The following MACROD2 variants were observed in gnomAD, a reference collection of about 807,000 sequenced individuals.
The protein encoded by MACROD2 is ADP-ribose glycohydrolase MACROD2.
In MACROD2, 36 loss-of-function variants were observed where a neutral mutation model predicts 70.4. The observed-to-expected ratio is 0.51, with a 90% CI of 0.39 to 0.68. The LOEUF (loss-of-function observed/expected upper bound fraction) is 0.68. Among genes scored for constraint, MACROD2 ranks in the 30% least tolerant of loss-of-function variants. The pLI, the probability that MACROD2 is intolerant of heterozygous loss-of-function variation, is 0.00. For missense variants in MACROD2, 496 were observed against 538.4 expected, an observed-to-expected ratio of 0.92 and a Z score of 0.78; for synonymous variants, 172 against 178.8, an observed-to-expected ratio of 0.96 and a Z score of 0.30.
At chr20:15,065,524 A>G (rs1025693911) in intron 5 of MACROD2, among the ~76,000 whole-genome samples, 7 of 151,980 alleles carry the variant, frequency 4.6e-5, no homozygotes, top group African/African-American at 1.7e-4. Context: ...GCTCGGTGGC[A>G]GCGGCTGTAG....
intron 4 of MACROD2, chr20:14,627,222 A>G (rs902978242): frequency 2.0e-5 from 3 of 152,186 alleles, no homozygotes; most frequent in Admixed American, 6.5e-5. Flanking sequence ...GAGACATCCA[A>G]TCCTTCAGTT....
rs374449885 is a variant in MACROD2 at position 15,727,180 on chromosome 20, G to T, written c.646-135565G>T. Among the ~76,000 whole-genome samples, 18 of 152,216 alleles carry T rather than the reference G, an allele frequency of 1.2e-4. 1 individual carries two copies. The South Asian group carries it at 3.5e-3, about 30-fold the overall frequency. ...TGCATGTGGCTAGCCAGTTATCCCAGCATAATTTGTTGAATAAGGAGTCCT... is the reference window on the plus strand; with the variant it reads ...TGCATGTGGCTAGCCAGTTATCCCATCATAATTTGTTGAATAAGGAGTCCT... On this transcript the variant is annotated intron_variant, in intron 8 of 17. Transcript: ENST00000684519.
chr20:15,677,591 G>A (rs751153242), intron 8 of MACROD2, among the ~76,000 whole-genome samples: 1 of 152,064 alleles, frequency 6.6e-6, no homozygotes, highest in African/African-American at 2.4e-5. Context: ...CACTGTGTGG[G>A]TGACCAGAAT....
intron 4 of MACROD2, among the ~76,000 whole-genome samples, chr20:14,609,958 C>T (rs1983057219): frequency 6.6e-6 from 1 of 152,052 alleles, no homozygotes; most frequent in Non-Finnish European, 1.5e-5. Flanking sequence ...ATTTTTTGTT[C>T]TTCTTTTTTC....
At chr20:14,413,343 G>A (rs561620478) in intron 3 of MACROD2, among the ~76,000 whole-genome samples, 62 of 151,068 alleles carry the variant, frequency 4.1e-4, no homozygotes, top group Non-Finnish European at 7.5e-4. Flanking sequence ...ATATTTCCCT[G>A]TAAAACTGAT....
At chr20:15,924,001 G>A (rs531106170) in intron 10 of MACROD2, among the ~76,000 whole-genome samples, 9 of 152,314 alleles carry the variant, frequency 5.9e-5, no homozygotes, top group African/African-American at 2.2e-4. Flanking sequence ...CTTTGGGGTG[G>A]TTGTTGAGTT....
chr20:15,819,711 TA>T (rs1486273948), intron 8 of MACROD2, among the ~76,000 whole-genome samples: 1 of 151,334 alleles, frequency 6.6e-6, no homozygotes, highest in Non-Finnish European at 1.5e-5. Flanking sequence ...ATGTGCAATC[TA>T]AAAAAAAGTT....
At chr20:14,847,986 A>C (rs2073160946) in intron 5 of MACROD2, among the ~76,000 whole-genome samples, 1 of 152,226 alleles carries the variant, frequency 6.6e-6, no homozygotes, top group Non-Finnish European at 1.5e-5. Flanking sequence ...TTATGCAAGA[A>C]GATGGGGAGC....
chr20:14,044,722 G>T (rs541233235), intron 2 of MACROD2, among the ~76,000 whole-genome samples: 2 of 152,182 alleles, frequency 1.3e-5, no homozygotes, highest in Non-Finnish European at 2.9e-5. Flanking sequence ...TAGACATAAA[G>T]ATTCTTCAAG....
At chr20:14,058,062 A>T (rs1338896855) in intron 2 of MACROD2, among the ~76,000 whole-genome samples, 1 of 152,126 alleles carries the variant, frequency 6.6e-6, no homozygotes, top group Non-Finnish European at 1.5e-5. Flanking sequence ...TGAGGAAGGG[A>T]TAGGGATTGG....
chr20:14,549,135 C>CCATGCACACCAT (rs1316785896), intron 4 of MACROD2, among the ~76,000 whole-genome samples: 1 of 152,156 alleles, frequency 6.6e-6, no homozygotes, highest in African/African-American at 2.4e-5. Context: ...GCAATGACTG[C>CCATGCACACCAT]CATGCACACC....
chr20:15,053,700 A>G (rs1226864763), intron 5 of MACROD2, among the ~76,000 whole-genome samples: 1 of 152,222 alleles, frequency 6.6e-6, no homozygotes, highest in Non-Finnish European at 1.5e-5. Flanking sequence ...TCTGCAGCCT[A>G]TGGATCAAGG....
chr20:14,625,271 G>A (rs1380741823), intron 4 of MACROD2, among the ~76,000 whole-genome samples: 1 of 152,022 alleles, frequency 6.6e-6, no homozygotes, highest in African/African-American at 2.4e-5. Context: ...AGGTTGCAGT[G>A]AGTCGAGATC....
intron 3 of MACROD2, among the ~76,000 whole-genome samples, chr20:14,130,753 C>T (rs2054706595): frequency 6.6e-6 from 1 of 151,998 alleles, no homozygotes; most frequent in Non-Finnish European, 1.5e-5. Context: ...ACAGAAGATA[C>T]TCCTTTCAAA....
chr20:14,166,060 C>G (rs1432866204), intron 3 of MACROD2, among the ~76,000 whole-genome samples: 1 of 151,918 alleles, frequency 6.6e-6, no homozygotes, highest in South Asian at 2.1e-4. Flanking sequence ...TTCATTTTTG[C>G]TTATTAATAA....
chr20:14,764,880 G>C (rs80016821), intron 5 of MACROD2, among the ~76,000 whole-genome samples: 3,348 of 152,114 alleles, frequency 0.022, 145 homozygotes, highest in African/African-American at 0.076. Flanking sequence ...GGGGGATCAG[G>C]ATGGATGGAA....
At chr20:14,870,071 T>C (rs1721285268) in intron 5 of MACROD2, among the ~76,000 whole-genome samples, 1 of 152,142 alleles carries the variant, frequency 6.6e-6, no homozygotes, top group African/African-American at 2.4e-5. Flanking sequence ...CTAGTGCCCA[T>C]TGGTGATTTT....
At chr20:15,461,269 A>G (rs2046815486) in intron 7 of MACROD2, among the ~76,000 whole-genome samples, 1 of 152,126 alleles carries the variant, frequency 6.6e-6, no homozygotes, top group South Asian at 2.1e-4. Context: ...CATTTACTTT[A>G]CGAGAATGTG....
chr20:14,739,021 A>G (rs1296838551), intron 5 of MACROD2, among the ~76,000 whole-genome samples: 1 of 152,050 alleles, frequency 6.6e-6, no homozygotes, highest in Non-Finnish European at 1.5e-5. Flanking sequence ...AAATCTTTAA[A>G]TCATAATGTT....
Sources: gnomAD v4.1 joint callset for allele counts (sites outside exome capture counted in the v4.1 genomes callset) on GRCh38, gnomAD v4.1.1 for gene constraint, MANE v1.5 for transcripts, NCBI Gene and HGNC (gene_info 2026-07-23, HGNC 2026-07-21) for gene names.